The following ZGLP1 variants were observed in gnomAD, a reference collection of about 807,000 sequenced individuals.
ZGLP1 encodes the protein GATA-type zinc finger protein 1.
In ZGLP1, 11 loss-of-function variants were observed where a neutral mutation model predicts 21.4. That is an observed-to-expected ratio of 0.51 (90% confidence interval 0.32 to 0.85). ZGLP1 has a LOEUF of 0.85. ZGLP1 is among the 40% of genes least tolerant of loss of function. The pLI, the probability that ZGLP1 is intolerant of heterozygous loss-of-function variation, is 0.03. For missense variants in ZGLP1, 295 were observed against 355.6 expected, an observed-to-expected ratio of 0.83 and a Z score of 1.37; for synonymous variants, 148 against 145.0, an observed-to-expected ratio of 1.02 and a Z score of -0.15.
At chr19:10,304,902 G>A (rs142096484) in exon 4 of ZGLP1, 5 of 590,898 alleles carry the variant, frequency 8.5e-6, no homozygotes, top group Non-Finnish European at 1.5e-5. Context: ...GACTGGAGAA[G>A]GGGCTGGTGA....
Position 10,305,020 on chromosome 19 carries a change from A to G in ZGLP1, c.*71T>C, listed in dbSNP as rs1175592730. 3.4e-6 allele frequency: 4 copies of G among 1,194,008 alleles called. No individual in the cohort carries two copies. In the East Asian group the frequency reaches 7.0e-5, roughly 21 times the overall value. The allele number at this position is 1,194,008 out of a possible 1,614,324, so 74.0% of individuals were successfully genotyped here. ...GCTCTTTCCCCAATCCTCCTAGGAG[A>G]GCTGCTTCTGCCCATTCTCCCACTG... On this transcript the variant is annotated 3_prime_UTR_variant, in exon 4 of 4. Coordinates refer to ENST00000403903, the Ensembl canonical transcript of ZGLP1. This position sits in a 1 kb window ranked among gnomAD's most constrained non-coding sequence, Gnocchi z 4.7.
chr19:10,308,740 G>A, exon 1 of ZGLP1: 1 of 1,406,650 alleles, frequency 7.1e-7, no homozygotes, highest in Non-Finnish European at 9.3e-7. Flanking sequence ...CTCGCCCACT[G>A]TGGGCCTCCC....
chr19:10,306,885 A>G (rs1568304930), intron 1 of ZGLP1, among the ~76,000 whole-genome samples: 1 of 152,020 alleles, frequency 6.6e-6, no homozygotes, highest in Non-Finnish European at 1.5e-5. Context: ...TGTAATCCCA[A>G]CACTTTGGGA....
Position 10,305,515 on chromosome 19 carries a change from A to G in ZGLP1, c.605-32T>C. On this transcript the variant is annotated intron_variant, in intron 2 of 3. Transcript: ENST00000403903. The surrounding 1 kb of genome is among the most constrained non-coding windows in gnomAD (Gnocchi z 4.7). ...GGTCAGAGGTCAAAGGGCAGGGGTC[A>G]GAGGCCAAGCATGTGAGCTCGGGAT... 6.4e-7 allele frequency: 1 copy of G among 1,562,352 alleles called. No individual in the cohort carries two copies. Among genetic ancestry groups the G allele is most frequent in the South Asian group, 1.2e-5 (1 of 85,658 alleles).
At position 10,308,554 on chromosome 19, in the gene ZGLP1, G is replaced by A; in HGVS notation, c.128C>T (p.Pro43Leu). ...CTGGCATGCAGGCCAGAGGGACCTG[G>A]GGAGAAGGGCAGTGGGGTCACGTTT... Residue 43 changes from proline (P) to leucine (L), a missense_variant, in exon 1 of 4, where the codon CCC (proline) becomes CTC (leucine). Pro to Leu is a moderately conservative substitution (Grantham distance 98). This residue lies in a region of ZGLP1 where 252 missense variants were observed against 264.0 expected (regional missense o/e 0.95). Coordinates refer to ENST00000403903, the Ensembl canonical transcript of ZGLP1. 1 of 1,603,524 alleles carries A rather than the reference G, an allele frequency of 6.2e-7. No individual in the cohort carries two copies. The highest frequency in any genetic ancestry group is 8.5e-7 in the Non-Finnish European group (1 of 1,173,482).
At chr19:10,308,100 G>T in intron 1 of ZGLP1, 85 bp downstream of exon 2, 1 of 1,486,042 alleles carries the variant, frequency 6.7e-7, no homozygotes, top group South Asian at 1.4e-5. Context: ...GGTCCACACC[G>T]ACGCCAGAGA....
chr19:10,307,052 T>C (rs886505395), intron 1 of ZGLP1, among the ~76,000 whole-genome samples: 1 of 151,240 alleles, frequency 6.6e-6, no homozygotes, highest in Non-Finnish European at 1.5e-5. Context: ...GAGAATCGTT[T>C]GAATCCGGGA....
At chr19:10,308,821 T>G in exon 1 of ZGLP1, 1 of 684,872 alleles carries the variant, frequency 1.5e-6, no homozygotes, top group Non-Finnish European at 2.1e-6. Flanking sequence ...GGGACCGCCC[T>G]AGGTGACCGA....
rs915135556 is a variant in ZGLP1, at chr19:10,305,320, C to A, written c.698+70G>T. On this transcript the variant is annotated intron_variant, in intron 3 of 3. Coordinates refer to ENST00000403903, the Ensembl canonical transcript of ZGLP1. The surrounding 1 kb of genome is among the most constrained non-coding windows in gnomAD (Gnocchi z 4.7). ...GGTGTTTTGCTTTTTGCTTTCCCCACAGGCCATCCTGGTTACACGTGGACT... is the reference window on the plus strand; with the variant it reads ...GGTGTTTTGCTTTTTGCTTTCCCCAAAGGCCATCCTGGTTACACGTGGACT... 2.6e-6 allele frequency: 4 copies of A among 1,546,332 alleles called. No homozygotes were observed. The highest frequency in any genetic ancestry group is 2.6e-6 in the Non-Finnish European group (3 of 1,134,192).
chr19:10,308,430 C>T (rs764100701), exon 1 of ZGLP1: 17 of 1,608,976 alleles, frequency 1.1e-5, no homozygotes, highest in South Asian at 7.7e-5. Flanking sequence ...CCAGAGCCAT[C>T]GGGTCCCAGC....
At position 10,305,856 on chromosome 19, in the gene ZGLP1, G is replaced by A. The variant is rs1225976499; in HGVS notation, c.594C>T (p.Ser198=). 5 of 1,554,710 alleles carry A rather than the reference G, an allele frequency of 3.2e-6. No individual in the cohort carries two copies. The highest frequency in any genetic ancestry group is 2.4e-5 in the South Asian group (2 of 84,306). Residue 198 remains serine, a synonymous_variant, in exon 2 of 4, where the codon AGC becomes AGT. Transcript: ENST00000403903. This position sits in a 1 kb window ranked among gnomAD's most constrained non-coding sequence, Gnocchi z 4.7. ...GTTTTCAGGACTCACCCAGGGCCTC[G>A]CTGCCTGCTGAGTGGGCCTCGGTGC...
chr19:10,308,329 G>T, exon 1 of ZGLP1: 3 of 1,610,904 alleles, frequency 1.9e-6, no homozygotes, highest in South Asian at 1.1e-5. Context: ...GGCCGAGGGA[G>T]TCCCCGGGGG....
At chr19:10,306,233 C>T (rs554445432) in intron 1 of ZGLP1, among the ~76,000 whole-genome samples, 36 of 151,972 alleles carry the variant, frequency 2.4e-4, no homozygotes, top group Middle Eastern at 3.4e-3. Flanking sequence ...GAGCCTCAGC[C>T]TCCCAAGCAG....
exon 1 of ZGLP1, chr19:10,308,690 C>A: frequency 6.7e-7 from 1 of 1,489,124 alleles, no homozygotes; most frequent in South Asian, 1.4e-5. Flanking sequence ...ATTTCTAACT[C>A]TGGGTGGAAG....
exon 4 of ZGLP1, chr19:10,304,851 C>T (rs747658280): frequency 1.4e-5 from 8 of 561,276 alleles, no homozygotes; most frequent in African/African-American, 3.8e-5. Context: ...CAATGCTCAT[C>T]CTTCCTGAGA....
exon 1 of ZGLP1, chr19:10,308,950 G>T: frequency 6.6e-6 from 2 of 304,310 alleles, no homozygotes; most frequent in East Asian, 5.2e-5. Context: ...GGCGTGATCA[G>T]GACTCAGTGC....
intron 1 of ZGLP1, among the ~76,000 whole-genome samples, chr19:10,306,440 T>C (rs1180418891): frequency 6.6e-6 from 1 of 151,838 alleles, no homozygotes; most frequent in Non-Finnish European, 1.5e-5. Flanking sequence ...ATTTGAAAAA[T>C]AGTAAGCACA....
At chr19:10,307,042 G>A (rs2040283275) in intron 1 of ZGLP1, among the ~76,000 whole-genome samples, 1 of 151,562 alleles carries the variant, frequency 6.6e-6, no homozygotes, top group Non-Finnish European at 1.5e-5. Flanking sequence ...GCTGAGGCAG[G>A]AGAATCGTTT....
chr19:10,308,690 C>T (rs2040294593), exon 1 of ZGLP1: 3 of 1,489,126 alleles, frequency 2.0e-6, no homozygotes, highest in East Asian at 4.6e-5. Context: ...ATTTCTAACT[C>T]TGGGTGGAAG....
Sources: gnomAD v4.1 joint callset for allele counts (sites outside exome capture counted in the v4.1 genomes callset) on GRCh38, gnomAD v4.1.1 for gene constraint, gnomAD v4.1.1 regional missense constraint, Gnocchi (gnomAD v3.1) non-coding constraint, MANE v1.5 for transcripts, NCBI Gene and HGNC (gene_info 2026-07-23, HGNC 2026-07-21) for gene names.